The following CATSPERE variants were observed in gnomAD, a reference collection of about 807,000 sequenced individuals.
CATSPERE encodes cation channel sperm-associated auxiliary subunit epsilon.
Under a neutral mutation model 114.1 loss-of-function variants are expected in CATSPERE, and 93 were observed. The observed-to-expected ratio is 0.81, with a 90% CI of 0.69 to 0.97. CATSPERE has a LOEUF of 0.97. CATSPERE is among the 50% of genes least tolerant of loss of function. CATSPERE has a pLI of 0.00. For missense variants in CATSPERE, 1,058 were observed against 1,131.6 expected (o/e 0.93, Z 0.93); for synonymous variants, 341 against 384.1 (o/e 0.89, Z 1.31).
At chr1:244,547,301 A>G (rs1162828507) in intron 8 of CATSPERE, among the ~76,000 whole-genome samples, 1 of 152,176 alleles carries the variant, frequency 6.6e-6, no homozygotes, top group East Asian at 1.9e-4. Context: ...TCACCACTAG[A>G]CCTGTCTTAC....
At position 244,572,563 on chromosome 1, in the gene CATSPERE, G is replaced by C; in HGVS notation, c.1741G>C (p.Asp581His). Residue 581 changes from aspartate (D) to histidine (H), a missense_variant, in exon 11 of 22, where the codon GAC becomes CAC. By Grantham distance (81) the Asp-to-His change is moderately conservative. Transcript: ENST00000366534. ...ACAAAGTATAGCTTTCACAACAAAA[G>C]ACAAATGCCCATACATGGCATTTCA... Reference protein sequence around the residue: ...EAQSIAFTTKDKCPYMAFHNN... With the variant: ...EAQSIAFTTKHKCPYMAFHNN... 1.2e-6 allele frequency: 2 copies of C among 1,614,000 alleles called. No homozygotes were observed. The highest frequency in any genetic ancestry group is 2.7e-5 in the African/African-American group (2 of 75,020).
intron 6 of CATSPERE, among the ~76,000 whole-genome samples, chr1:244,493,438 C>T (rs1201663505): frequency 6.6e-6 from 1 of 152,134 alleles, no homozygotes; most frequent in Admixed American, 6.6e-5. Context: ...ACACCTTATA[C>T]AAAAATTAAT....
chr1:244,549,822 C>A (rs961401740), intron 8 of CATSPERE, among the ~76,000 whole-genome samples: 1 of 152,114 alleles, frequency 6.6e-6, no homozygotes, highest in Admixed American at 6.6e-5. Context: ...AACATTATTT[C>A]TGGGTGTGTC....
intron 8 of CATSPERE, among the ~76,000 whole-genome samples, chr1:244,528,113 T>G (rs1207224915): frequency 6.6e-6 from 1 of 151,904 alleles, no homozygotes; most frequent in African/African-American, 2.4e-5. Flanking sequence ...CTTTCCCCAT[T>G]CCCCCCAACC....
rs986338960 is a variant in CATSPERE at position 244,573,647 on chromosome 1, C to G, written c.1950+875C>G. Among the ~76,000 whole-genome samples, 5 of 152,174 alleles carry G rather than the reference C, an allele frequency of 3.3e-5. No homozygotes were observed. Among genetic ancestry groups the G allele is most frequent in the African/African-American group, 1.2e-4 (5 of 41,440 alleles). On this transcript the variant is annotated intron_variant, in intron 11 of 21. Coordinates refer to ENST00000366534, the MANE Select transcript of CATSPERE (RefSeq NM_001130957.2). This position sits in a 1 kb window ranked among gnomAD's most constrained non-coding sequence, Gnocchi z 4.0. Reference sequence around the variant, plus strand: ...CCCAGGTCTAGTGTTATCCTCCAGACTAGACCTGGCTTCTTCTGTGGCAGT... The same window carrying G: ...CCCAGGTCTAGTGTTATCCTCCAGAGTAGACCTGGCTTCTTCTGTGGCAGT...
At chr1:244,528,214 C>T (rs958329230) in intron 8 of CATSPERE, among the ~76,000 whole-genome samples, 4 of 152,180 alleles carry the variant, frequency 2.6e-5, no homozygotes, top group African/African-American at 9.7e-5. Context: ...TGAGAACATG[C>T]AGTGTTTGGC....
chr1:244,625,058 C>G (rs2148729394), intron 20 of CATSPERE, among the ~76,000 whole-genome samples: 1 of 152,152 alleles, frequency 6.6e-6, no homozygotes, highest in African/African-American at 2.4e-5. Context: ...TACCTTCTCC[C>G]ATGATCATGA....
intron 10 of CATSPERE, among the ~76,000 whole-genome samples, chr1:244,569,021 T>C (rs1664039967): frequency 6.6e-6 from 1 of 152,174 alleles, no homozygotes; most frequent in African/African-American, 2.4e-5. Context: ...AGTCTCCTGG[T>C]CTGTGGGTGG....
At chr1:244,451,333 A>G (rs1474964678), upstream of CATSPERE, among the ~76,000 whole-genome samples, 1 of 152,138 alleles carries the variant, frequency 6.6e-6, no homozygotes, top group Non-Finnish European at 1.5e-5. The surrounding 1 kb of genome is among the most constrained non-coding windows in gnomAD (Gnocchi z 6.6). Flanking sequence ...CCCGGCGCTG[A>G]GCACCACTCG....
At position 244,551,589 on chromosome 1, in the gene CATSPERE, T is replaced by G. The variant is rs188878717; in HGVS notation, c.537-733T>G. Among the ~76,000 whole-genome samples the G allele has an allele frequency of 2.2e-4, 33 of 152,126 alleles. No homozygotes were observed. The East Asian group carries it at 5.4e-3, about 25-fold the overall frequency. The stretch of plus-strand genomic sequence containing the variant: ...ACTAATTTGAGAGGTGGAGAGAAGA[T>G]GTATAAGTAGGCATGGTACATGAGA... On this transcript the variant is annotated intron_variant, in intron 8 of 21. Coordinates refer to ENST00000366534, the MANE Select transcript of CATSPERE (RefSeq NM_001130957.2).
In CATSPERE at chr1:244,560,947, A is replaced by G; in HGVS notation, c.1309A>G (p.Thr437Ala). 6.2e-7 allele frequency: 1 copy of G among 1,614,168 alleles called. No individual in the cohort carries two copies. The highest frequency in any genetic ancestry group is 8.5e-7 in the Non-Finnish European group (1 of 1,179,996). The change falls in exon 10 of 22, where the codon ACA becomes GCA. Residue 437 changes from threonine (T) to alanine (A), a missense_variant. By Grantham distance (58) the Thr-to-Ala change is moderately conservative. Transcript: ENST00000366534. ...DTKQWVSQDF[T>A]LDAPIDSVTM... The stretch of plus-strand genomic sequence containing the variant: ...AAAACAGTGGGTTTCCCAAGACTTT[A>G]CATTAGATGCCCCTATTGACAGTGT...
At chr1:244,552,215 T>A in intron 8 of CATSPERE, 107 bp from the exon 9 acceptor site, 1 of 1,370,554 alleles carries the variant, frequency 7.3e-7, no homozygotes, top group South Asian at 1.6e-5. Flanking sequence ...TTATCCAGAT[T>A]TGTATTGATA....
At chr1:244,491,927 G>A (rs1321410654) in intron 6 of CATSPERE, among the ~76,000 whole-genome samples, 2 of 152,136 alleles carry the variant, frequency 1.3e-5, no homozygotes, top group African/African-American at 4.8e-5. Context: ...ACCAATAACA[G>A]GCTCTGAAAT....
At chr1:244,588,378 C>A (rs1017961739) in intron 13 of CATSPERE, 104 bp from the exon 14 acceptor site, 8 of 837,738 alleles carry the variant, frequency 9.5e-6, no homozygotes, top group Non-Finnish European at 1.6e-5. Context: ...CTACATTTTA[C>A]AAGTTATTAT....
intron 1 of CATSPERE, among the ~76,000 whole-genome samples, chr1:244,454,923 TTC>T (rs1258901188): frequency 6.6e-6 from 1 of 152,114 alleles, no homozygotes; most frequent in African/African-American, 2.4e-5. Context: ...TGTATGAAAT[TTC>T]TCTGTCTTGT....
intron 5 of CATSPERE, among the ~76,000 whole-genome samples, chr1:244,490,072 GA>G (rs1443303328): frequency 1.3e-5 from 2 of 152,186 alleles, no homozygotes; most frequent in Non-Finnish European, 2.9e-5. Context: ...GGTACTTCAA[GA>G]AGCAAAGAGT....
At position 244,580,490 on chromosome 1, in the gene CATSPERE, A is replaced by G. The variant is rs193058229; in HGVS notation, c.1951-1306A>G. Reference sequence around the variant, plus strand: ...ATGATGCTAAGCATCATAGCTAATCATTTGTTTTTTAAAAATGAATATAAC... The same window carrying G: ...ATGATGCTAAGCATCATAGCTAATCGTTTGTTTTTTAAAAATGAATATAAC... On this transcript the variant is annotated intron_variant, in intron 11 of 21. Transcript: ENST00000366534. Among the ~76,000 whole-genome samples the G allele has an allele frequency of 3.3e-5, 5 of 152,200 alleles. No individual in the cohort carries two copies. In the East Asian group the frequency reaches 9.6e-4, roughly 29 times the overall value.
intron 7 of CATSPERE, among the ~76,000 whole-genome samples, chr1:244,508,353 T>G (rs1289417157): frequency 6.7e-6 from 1 of 150,164 alleles, no homozygotes; most frequent in African/African-American, 2.4e-5. Context: ...CAGGTTGGAG[T>G]GCAGTGGCGC....
intron 17 of CATSPERE, 40 bp downstream of exon 17, chr1:244,593,618 G>A (rs1436605025): frequency 6.5e-7 from 1 of 1,531,190 alleles, no homozygotes; most frequent in Non-Finnish European, 9.0e-7. Flanking sequence ...TATATTGAAA[G>A]TTTCAAACTC....
Sources: allele counts gnomAD v4.1 joint callset (sites outside exome capture counted in the v4.1 genomes callset), GRCh38; gene constraint gnomAD v4.1.1; non-coding constraint Gnocchi (gnomAD v3.1); transcripts MANE v1.5; gene names NCBI Gene and HGNC (gene_info 2026-07-23, HGNC 2026-07-21).